The following TMEM117 variants were observed in gnomAD, a reference collection of about 807,000 sequenced individuals.
The protein encoded by TMEM117 is transmembrane protein 117.
TMEM117 carries 27 observed loss-of-function variants against 52.4 expected under a neutral mutation model. That is an observed-to-expected ratio of 0.51 (90% CI 0.38 to 0.71). TMEM117 has a LOEUF of 0.71. Ranked by LOEUF, TMEM117 falls within the 30% of genes least tolerant of loss-of-function variation. The pLI is 0.00. For synonymous variants in TMEM117, 215 were observed against 206.3 expected (o/e 1.04, Z -0.36); for missense variants, 556 against 630.5 (o/e 0.88, Z 1.26).
chr12:44,254,572 G>A, intron 5 of TMEM117, among the ~76,000 whole-genome samples: 1 of 151,624 alleles, frequency 6.6e-6, no homozygotes, highest in Admixed American at 6.6e-5. Context: ...TTATAATATG[G>A]AAAATATCCA....
At chr12:44,374,640 GTGTGT>G (rs1951914926) in intron 6 of TMEM117, among the ~76,000 whole-genome samples, 1 of 151,668 alleles carries the variant, frequency 6.6e-6, no homozygotes, top group Admixed American at 6.6e-5. Flanking sequence ...GTGTGTGTGT[GTGTGT>G]GTGTGTGTGT....
At chr12:44,392,923 A>G (rs959456901), downstream of TMEM117, among the ~76,000 whole-genome samples, 2 of 152,160 alleles carry the variant, frequency 1.3e-5, no homozygotes, top group Non-Finnish European at 2.9e-5. Context: ...AGACTGGAAC[A>G]TCCTTGATGG....
At chr12:44,090,068 A>G (rs934474185) in intron 3 of TMEM117, among the ~76,000 whole-genome samples, 10 of 152,188 alleles carry the variant, frequency 6.6e-5, no homozygotes, top group African/African-American at 2.4e-4. Context: ...AAATTTCATG[A>G]AGACAACCAT....
chr12:44,372,502 A>G (rs73090675), intron 6 of TMEM117, among the ~76,000 whole-genome samples: 5,023 of 152,140 alleles, frequency 0.033, 100 homozygotes, highest in Middle Eastern at 0.13. Context: ...TTAGAAGCCA[A>G]CTATCCCTGG....
intron 3 of TMEM117, among the ~76,000 whole-genome samples, chr12:44,099,457 A>G (rs1268475770): frequency 6.6e-6 from 1 of 152,116 alleles, no homozygotes; most frequent in Non-Finnish European, 1.5e-5. Flanking sequence ...ACTTGGGTAT[A>G]TGTGGAAGTT....
chr12:44,395,592 A>G, the TMEM117 span, among the ~76,000 whole-genome samples: 3 of 152,254 alleles, frequency 2.0e-5, no homozygotes, highest in Admixed American at 2.0e-4. Flanking sequence ...TAACACAATA[A>G]AAATCAATTC....
At chr12:44,270,002 A>G (rs1315101770) in intron 5 of TMEM117, among the ~76,000 whole-genome samples, 1 of 152,138 alleles carries the variant, frequency 6.6e-6, no homozygotes, top group African/African-American at 2.4e-5. Flanking sequence ...CTGGAAAAAG[A>G]AGACTAAAGA....
chr12:43,839,289 C>G (rs1217017035), intron 1 of TMEM117, among the ~76,000 whole-genome samples: 10 of 152,180 alleles, frequency 6.6e-5, no homozygotes, highest in Admixed American at 2.6e-4. Context: ...TTGTGTCCCT[C>G]CTCTGCTTCC....
At chr12:43,913,875 T>G (rs1196562703) in intron 2 of TMEM117, among the ~76,000 whole-genome samples, 1 of 152,172 alleles carries the variant, frequency 6.6e-6, no homozygotes, top group Non-Finnish European at 1.5e-5. Context: ...AATAGAAGTA[T>G]TACACGTGAC....
intron 3 of TMEM117, among the ~76,000 whole-genome samples, chr12:44,079,948 G>T (rs1176491850): frequency 2.0e-5 from 3 of 149,950 alleles, no homozygotes; most frequent in Admixed American, 1.3e-4. Flanking sequence ...AACCCGGGGG[G>T]CACAGGTTGT....
intron 4 of TMEM117, among the ~76,000 whole-genome samples, chr12:44,206,050 G>C (rs1273987560): frequency 6.6e-6 from 1 of 152,152 alleles, no homozygotes; most frequent in Non-Finnish European, 1.5e-5. Flanking sequence ...AACAAAGTTT[G>C]ACCCACATAT....
chr12:44,340,439 A>G (rs1171644693), intron 6 of TMEM117, among the ~76,000 whole-genome samples: 3 of 152,242 alleles, frequency 2.0e-5, no homozygotes, highest in East Asian at 3.9e-4. Context: ...TGATTTGGCT[A>G]TGCTTTCTAC....
chr12:44,056,326 A>C (rs1565810096), intron 3 of TMEM117, among the ~76,000 whole-genome samples: 2 of 152,180 alleles, frequency 1.3e-5, no homozygotes, highest in African/African-American at 4.8e-5. Context: ...CCAGCATCAG[A>C]GGATGAGGGA....
At chr12:44,191,133 G>A (rs1949347182) in intron 4 of TMEM117, among the ~76,000 whole-genome samples, 1 of 151,902 alleles carries the variant, frequency 6.6e-6, no homozygotes, top group South Asian at 2.1e-4. Context: ...TTCACGTGAT[G>A]GCAGGAAGAA....
chr12:43,995,050 G>A (rs565570010), intron 3 of TMEM117, among the ~76,000 whole-genome samples: 1 of 152,222 alleles, frequency 6.6e-6, no homozygotes, highest in East Asian at 1.9e-4. Flanking sequence ...GCTGAGGCGG[G>A]TGGATCACGA....
chr12:44,114,347 C>T (rs1208000757), intron 3 of TMEM117, among the ~76,000 whole-genome samples: 3 of 152,128 alleles, frequency 2.0e-5, no homozygotes, highest in East Asian at 1.9e-4. Flanking sequence ...GAGTGAATGG[C>T]TATGGAAATA....
At chr12:44,351,366 A>G (rs1343863640) in intron 6 of TMEM117, among the ~76,000 whole-genome samples, 5 of 151,800 alleles carry the variant, frequency 3.3e-5, no homozygotes, top group African/African-American at 7.3e-5. Context: ...AATTGATGTG[A>G]TCCCGTCTTT....
intron 3 of TMEM117, among the ~76,000 whole-genome samples, chr12:44,075,132 C>T (rs970970592): frequency 1.3e-5 from 2 of 152,088 alleles, no homozygotes; most frequent in African/African-American, 4.8e-5. Flanking sequence ...GAGACTAGAC[C>T]AGGGTTATTT....
At chr12:44,012,359 C>A (rs1333669399) in intron 3 of TMEM117, among the ~76,000 whole-genome samples, 1 of 149,208 alleles carries the variant, frequency 6.7e-6, no homozygotes, top group African/African-American at 2.4e-5. Context: ...TGGAAAAATT[C>A]TCAGTCATTG....
Sources: gnomAD v4.1 joint callset for allele counts (sites outside exome capture counted in the v4.1 genomes callset) on GRCh38, gnomAD v4.1.1 for gene constraint, MANE v1.5 for transcripts, NCBI Gene and HGNC (gene_info 2026-07-23, HGNC 2026-07-21) for gene names.